VDAC1: variants seen among roughly 807,000 people sequenced by gnomAD.
VDAC1 encodes the protein voltage dependent anion channel 1, also known as non-selective voltage-gated ion channel VDAC1.
Under a neutral mutation model 34.7 loss-of-function variants are expected in VDAC1, and 10 were observed. The ratio of observed to expected loss-of-function variants is 0.29; its 90% CI spans 0.18 to 0.49. The LOEUF is 0.49. Ranked by LOEUF, VDAC1 falls within the 20% of genes least tolerant of loss-of-function variation. VDAC1 has a pLI of 0.99. For missense variants in VDAC1, 230 were observed against 347.9 expected (o/e 0.66, Z 2.69); for synonymous variants, 130 against 136.0 (o/e 0.96, Z 0.30).
chr5:134,074,357 A>T, the VDAC1 span, among the ~76,000 whole-genome samples: 5 of 148,780 alleles, frequency 3.4e-5, no homozygotes, highest in South Asian at 1.1e-3. Flanking sequence ...AATAAATAAA[A>T]GCTTTGAAAT....
the VDAC1 span, among the ~76,000 whole-genome samples, chr5:134,055,604 T>G: frequency 4.3e-5 from 6 of 140,992 alleles, no homozygotes; most frequent in Non-Finnish European, 7.7e-5. Flanking sequence ...TTTTTTTTTT[T>G]TTTTTTTTTT....
At chr5:134,035,172 C>A in the VDAC1 span, among the ~76,000 whole-genome samples, 1 of 152,068 alleles carries the variant, frequency 6.6e-6, no homozygotes, top group African/African-American at 2.4e-5. Context: ...ACAAGATGAA[C>A]CTGGCACATC....
chr5:134,025,635 G>A, the VDAC1 span, among the ~76,000 whole-genome samples: 4 of 152,106 alleles, frequency 2.6e-5, no homozygotes, highest in African/African-American at 9.6e-5. Context: ...TGTCACCCAG[G>A]CTGGAGTGCA....
the VDAC1 span, among the ~76,000 whole-genome samples, chr5:134,047,288 T>C: frequency 6.6e-6 from 1 of 152,060 alleles, no homozygotes; most frequent in African/African-American, 2.4e-5. Flanking sequence ...TGTCAAGTGA[T>C]TGCAGAGACT....
chr5:134,097,398 T>C, the VDAC1 span, among the ~76,000 whole-genome samples: 4 of 152,212 alleles, frequency 2.6e-5, no homozygotes, highest in Admixed American at 1.3e-4. Flanking sequence ...CTTATCTCTA[T>C]GGCAACTCAC....
the VDAC1 span, among the ~76,000 whole-genome samples, chr5:134,020,881 G>A: frequency 2.6e-5 from 4 of 152,108 alleles, no homozygotes; most frequent in African/African-American, 9.6e-5. Flanking sequence ...GGGGAGGCCA[G>A]TCACAGGGGC....
intron 1 of VDAC1, among the ~76,000 whole-genome samples, chr5:133,994,604 G>A (rs893891894): frequency 7.9e-5 from 12 of 152,110 alleles, no homozygotes; most frequent in East Asian, 3.9e-4. Context: ...GCATCCCCCC[G>A]GGATAGACCA....
intron 1 of VDAC1, among the ~76,000 whole-genome samples, chr5:133,999,969 T>C (rs1184298960): frequency 6.6e-6 from 1 of 152,054 alleles, no homozygotes; most frequent in African/African-American, 2.4e-5. Flanking sequence ...AGGAGGGGTA[T>C]CAGACCAGCC....
the VDAC1 span, among the ~76,000 whole-genome samples, chr5:134,097,374 C>A: frequency 6.6e-6 from 1 of 152,226 alleles, no homozygotes. Context: ...CTCATTAGCT[C>A]TGTTTGCCTC....
At chr5:134,051,806 C>T in the VDAC1 span, among the ~76,000 whole-genome samples, 7 of 151,916 alleles carry the variant, frequency 4.6e-5, no homozygotes, top group East Asian at 1.4e-3. Context: ...TCAAGTGATT[C>T]TCCCACCTCA....
the VDAC1 span, among the ~76,000 whole-genome samples, chr5:134,084,457 G>C: frequency 2.0e-5 from 3 of 152,248 alleles, no homozygotes; most frequent in African/African-American, 7.2e-5. Flanking sequence ...CCGAACTTTG[G>C]TCTAAGCAGG....
the VDAC1 span, among the ~76,000 whole-genome samples, chr5:134,014,765 C>T: frequency 0.23 from 35,108 of 152,072 alleles, 4,346 homozygotes; most frequent in Admixed American, 0.29. Flanking sequence ...GCTCAGGAGG[C>T]TGAGGCAGGA....
the VDAC1 span, among the ~76,000 whole-genome samples, chr5:134,029,324 G>C: frequency 4.7e-3 from 713 of 152,278 alleles, 10 homozygotes; most frequent in African/African-American, 0.016. Flanking sequence ...AAAATATGTG[G>C]GGTAATAAAG....
chr5:134,001,388 G>T (rs1753546829), intron 1 of VDAC1, among the ~76,000 whole-genome samples: 1 of 152,110 alleles, frequency 6.6e-6, no homozygotes, highest in Non-Finnish European at 1.5e-5. Flanking sequence ...CCCTCAATCA[G>T]CAATCACTGT....
chr5:134,111,592 C>T, the VDAC1 span, among the ~76,000 whole-genome samples: 1 of 152,142 alleles, frequency 6.6e-6, no homozygotes, highest in African/African-American at 2.4e-5. Context: ...TCTAGGCCCT[C>T]TCTGCCAGCA....
At chr5:134,020,897 C>T in the VDAC1 span, among the ~76,000 whole-genome samples, 1 of 151,730 alleles carries the variant, frequency 6.6e-6, no homozygotes, top group Non-Finnish European at 1.5e-5. Context: ...GGGGCTCACT[C>T]TTGTAATCCC....
the VDAC1 span, among the ~76,000 whole-genome samples, chr5:134,059,262 G>A: frequency 1.3e-5 from 2 of 152,200 alleles, no homozygotes; most frequent in African/African-American, 4.8e-5. Context: ...GAGGCTCCCA[G>A]GCTCCCAGGA....
At chr5:134,037,145 A>G in the VDAC1 span, among the ~76,000 whole-genome samples, 4 of 152,204 alleles carry the variant, frequency 2.6e-5, no homozygotes, top group African/African-American at 7.2e-5. Flanking sequence ...CAGGGTGGAC[A>G]CTGCAGGACA....
At chr5:133,991,306 G>T (rs974566334) in intron 3 of VDAC1, 152 bp from the exon 4 acceptor site, 1 of 970,590 alleles carries the variant, frequency 1.0e-6, no homozygotes, top group Non-Finnish European at 1.5e-6. Flanking sequence ...GATATTTAAA[G>T]TACAGATGGG....
Sources: allele counts gnomAD v4.1 joint callset (sites outside exome capture counted in the v4.1 genomes callset), GRCh38; gene constraint gnomAD v4.1.1; transcripts MANE v1.5; gene names NCBI Gene and HGNC (gene_info 2026-07-23, HGNC 2026-07-21).